Variants in COLEC10 observed in about 807,000 individuals in gnomAD.
COLEC10 encodes collectin-10.
A neutral mutation model predicts 28.4 loss-of-function variants in COLEC10; 22 were observed. That is an observed-to-expected ratio of 0.78 (90% confidence interval 0.55 to 1.11). The LOEUF is 1.11. Among genes scored for constraint, COLEC10 ranks in the 50% least tolerant of loss-of-function variants. COLEC10 has a pLI of 0.00. For missense variants in COLEC10, 361 were observed against 344.1 expected (o/e 1.05, Z -0.39); for synonymous variants, 125 against 116.1 (o/e 1.08, Z -0.49).
upstream of COLEC10, among the ~76,000 whole-genome samples, chr8:118,993,122 A>G (rs1813530446): frequency 6.6e-6 from 1 of 152,192 alleles, no homozygotes; most frequent in African/African-American, 2.4e-5. Context: ...AGAATTGTTT[A>G]TAAGAGCTGG....
chr8:118,967,727 T>C, the COLEC10 span, among the ~76,000 whole-genome samples: 2 of 152,116 alleles, frequency 1.3e-5, no homozygotes, highest in Non-Finnish European at 2.9e-5. Context: ...TTTTGTTTAG[T>C]AGCTGGAACA....
chr8:119,101,719 C>T (rs1815830711), intron 3 of COLEC10, among the ~76,000 whole-genome samples: 1 of 152,126 alleles, frequency 6.6e-6, no homozygotes, highest in Non-Finnish European at 1.5e-5. Flanking sequence ...TCAAAGCACC[C>T]AGCCTTTTGG....
chr8:119,067,175 T>C, upstream of COLEC10: 1 of 1,147,900 alleles, frequency 8.7e-7, no homozygotes, highest in East Asian at 2.4e-5. Flanking sequence ...CTTTTTGGAA[T>C]GTGTGTTCCA....
chr8:119,103,839 G>T lies in COLEC10; in HGVS notation c.386G>T (p.Gly129Val), dbSNP rs776841248. 2.5e-6 allele frequency: 4 copies of T among 1,612,876 alleles called. No individual in the cohort carries two copies. The South Asian group carries it at 4.4e-5, about 18-fold the overall frequency. The change falls in exon 5 of 6, where the codon GGA becomes GTA. Residue 129 changes from glycine to valine, a missense_variant. By Grantham distance (109) the Gly-to-Val change is moderately radical. Coordinates refer to ENST00000332843, the MANE Select transcript of COLEC10 (RefSeq NM_006438.5). ...TGTGGAAGATACCGGAAATTTGTTG[G>T]ACAACTGGATATTAGTATTGCTCGG... The part of the protein sequence containing the change: ...CDCGRYRKFV[G>V]QLDISIARLK...
At chr8:119,102,204 A>G in intron 3 of COLEC10, 144 bp from the exon 4 acceptor site, 1 of 489,314 alleles carries the variant, frequency 2.0e-6, no homozygotes. Flanking sequence ...ATGTAAATTC[A>G]CTCCTTCCTC....
Position 119,053,191 on chromosome 8 carries a change from C to T in COLEC10, n.236-36489C>T, listed in dbSNP as rs140966540. On this transcript the variant is annotated intron_variant and non_coding_transcript_variant, in intron 2 of 6. Coordinates refer to the COLEC10 transcript ENST00000521788. ...TTATATTGGGATGCTTCAGGGAAAC[C>T]GTAAAAGGGGGGACTATGTTCTATC... Among the ~76,000 whole-genome samples, 22 of 152,012 alleles carry T rather than the reference C, an allele frequency of 1.4e-4. 1 individual carries two copies. The highest frequency in any genetic ancestry group is 4.6e-4 in the African/African-American group (19 of 41,472).
At chr8:119,084,946 C>T (rs989602799) in intron 1 of COLEC10, among the ~76,000 whole-genome samples, 1 of 152,134 alleles carries the variant, frequency 6.6e-6, no homozygotes, top group Non-Finnish European at 1.5e-5. Context: ...GAAATAATCA[C>T]TTATCTACTT....
chr8:118,957,026 C>T, the COLEC10 span, among the ~76,000 whole-genome samples: 1 of 151,998 alleles, frequency 6.6e-6, no homozygotes, highest in African/African-American at 2.4e-5. Flanking sequence ...AACGCCTTAC[C>T]CTAAAGGAAC....
chr8:119,091,041 G>A (rs1323404407), intron 2 of COLEC10, 108 bp from the exon 3 acceptor site: 101 of 820,354 alleles, frequency 1.2e-4, no homozygotes, highest in Middle Eastern at 2.3e-4. Context: ...AGATATCACT[G>A]GTAGAAGAAT....
chr8:118,960,785 G>GGAAAAAA, the COLEC10 span, among the ~76,000 whole-genome samples: 777 of 72,560 alleles, frequency 0.011, 16 homozygotes, highest in African/African-American at 0.036. Context: ...GAGACTCTGT[G>GGAAAAAA]AAAAAAAAAA....
chr8:119,074,379 TATCTC>T (rs1019579300), intron 1 of COLEC10, among the ~76,000 whole-genome samples: 2 of 152,078 alleles, frequency 1.3e-5, no homozygotes, highest in Non-Finnish European at 2.9e-5. Flanking sequence ...TGTACCAAAA[TATCTC>T]ATGCACCCCA....
At chr8:119,076,448 A>G (rs1815239374) in intron 1 of COLEC10, among the ~76,000 whole-genome samples, 1 of 151,960 alleles carries the variant, frequency 6.6e-6, no homozygotes, top group Admixed American at 6.6e-5. Flanking sequence ...TTTTTAGTAG[A>G]GATGGGGTTT....
At chr8:118,972,875 GA>G in the COLEC10 span, among the ~76,000 whole-genome samples, 1 of 151,994 alleles carries the variant, frequency 6.6e-6, no homozygotes, top group Non-Finnish European at 1.5e-5. Context: ...GAGGCCTCAA[GA>G]AACTTACAAT....
At chr8:119,092,041 C>T (rs890332984) in intron 3 of COLEC10, among the ~76,000 whole-genome samples, 7 of 151,420 alleles carry the variant, frequency 4.6e-5, no homozygotes, top group Admixed American at 1.3e-4. Flanking sequence ...TATGTGGATA[C>T]CCACTTGTTT....
intron 2 of COLEC10, among the ~76,000 whole-genome samples, chr8:119,046,241 T>C (rs1814586618): frequency 6.6e-6 from 1 of 152,228 alleles, no homozygotes. Context: ...TGTGATCTTT[T>C]TTTTTCTCTT....
the COLEC10 span, among the ~76,000 whole-genome samples, chr8:118,968,592 T>C: frequency 6.6e-6 from 1 of 150,756 alleles, no homozygotes; most frequent in African/African-American, 2.4e-5. Flanking sequence ...TATGTGTGTA[T>C]ATATATACGT....
intron 2 of COLEC10, among the ~76,000 whole-genome samples, chr8:119,020,405 A>G (rs1814071105): frequency 6.6e-6 from 1 of 152,102 alleles, no homozygotes; most frequent in African/African-American, 2.4e-5. Context: ...AACATTTTGG[A>G]GGTTTTTGCC....
At chr8:118,978,571 A>G in the COLEC10 span, among the ~76,000 whole-genome samples, 1 of 148,992 alleles carries the variant, frequency 6.7e-6, no homozygotes, top group Non-Finnish European at 1.5e-5. Flanking sequence ...TTTGTTCTCT[A>G]TGCAGTTTTA....
Position 119,054,785 on chromosome 8 carries a change from CCCTT to C in COLEC10, n.236-34890_236-34887del, listed in dbSNP as rs1409493144. On this transcript the variant is annotated intron_variant and non_coding_transcript_variant, in intron 2 of 6. Coordinates refer to the COLEC10 transcript ENST00000521788. ...TCAATGTTGTATAAATTGTGACATG[CCCTT>C]CCTTATAAGCTTTTGAATCCTTTCA... 2.0e-5 allele frequency among the ~76,000 whole-genome samples: 3 copies of C among 152,062 alleles called. No individual in the cohort carries two copies. In the East Asian group the frequency reaches 5.8e-4, roughly 29 times the overall value.
Sources: gnomAD v4.1 joint callset for allele counts (sites outside exome capture counted in the v4.1 genomes callset) on GRCh38, gnomAD v4.1.1 for gene constraint, MANE v1.5 for transcripts, NCBI Gene and HGNC (gene_info 2026-07-23, HGNC 2026-07-21) for gene names.